SMURF1: variants seen among roughly 807,000 people sequenced by gnomAD.
SMURF1 encodes SMAD specific E3 ubiquitin protein ligase 1.
Under a neutral mutation model 98.0 loss-of-function variants are expected in SMURF1, and 44 were observed. The observed-to-expected ratio is 0.45, with a 90% confidence interval of 0.35 to 0.58. The LOEUF is 0.58. SMURF1 is among the 20% of genes least tolerant of loss of function. SMURF1 has a pLI of 0.00. For synonymous variants in SMURF1, 396 were observed against 374.9 expected (o/e 1.06, Z -0.65); for missense variants, 687 against 938.4 (o/e 0.73, Z 3.50).
chr7:99,104,087 A>G (rs1452457633), intron 1 of SMURF1, among the ~76,000 whole-genome samples: 1 of 152,062 alleles, frequency 6.6e-6, no homozygotes, highest in Non-Finnish European at 1.5e-5. Context: ...GGGTTTCACA[A>G]TGTTGGCCAG....
At position 99,040,547 on chromosome 7, in the gene SMURF1, A is replaced by T; in HGVS notation, c.1381T>A (p.Ser461Thr). The T allele has an allele frequency of 6.7e-7, 1 of 1,483,598 alleles. No homozygotes were observed. Among genetic ancestry groups the T allele is most frequent in the Non-Finnish European group, 9.0e-7 (1 of 1,115,142 alleles). The allele number at this position is 1,483,598 out of a possible 1,614,324, so 91.9% of individuals were successfully genotyped here. Reference sequence around the variant, plus strand: ...ATCCGCCCCACAAAGTGGAAATAAGACAAGTGGTCCTGTAGGGGGCACCAG... The same window carrying T: ...ATCCGCCCCACAAAGTGGAAATAAGTCAAGTGGTCCTGTAGGGGGCACCAG... Reference protein sequence around the residue: ...PDSSINPDHLSYFHFVGRIMG... With the variant: ...PDSSINPDHLTYFHFVGRIMG... The change falls in exon 13 of 18, where the codon TCT becomes ACT. Residue 461 changes from serine to threonine, a missense_variant. Ser to Thr is a moderately conservative substitution (Grantham distance 58). Coordinates refer to ENST00000361368, the MANE Select transcript of SMURF1 (RefSeq NM_181349.3).
intron 1 of SMURF1, among the ~76,000 whole-genome samples, chr7:99,121,685 C>A (rs1325061390): frequency 6.6e-6 from 1 of 152,186 alleles, no homozygotes; most frequent in African/African-American, 2.4e-5. Flanking sequence ...GTTAGCTTGT[C>A]CTTTCCCAAG....
intron 1 of SMURF1, among the ~76,000 whole-genome samples, chr7:99,101,745 G>T (rs1018797757): frequency 6.6e-6 from 1 of 152,150 alleles, no homozygotes; most frequent in East Asian, 1.9e-4. Context: ...TTGGAAACCA[G>T]CCTGGCCACT....
intron 9 of SMURF1, 140 bp from the exon 10 acceptor site, chr7:99,048,022 A>G (rs1795638436): frequency 1.3e-6 from 1 of 753,170 alleles, no homozygotes; most frequent in Non-Finnish European, 2.2e-6. Flanking sequence ...TGACGTAACC[A>G]GGTACCTAGC....
chr7:99,065,641 C>T lies in SMURF1; in HGVS notation c.56-3804G>A, dbSNP rs888880560. On this transcript the variant is annotated intron_variant, in intron 1 of 17. Coordinates refer to ENST00000361368, the MANE Select transcript of SMURF1 (RefSeq NM_181349.3). ...TTTTCCAAAGCTTGGAATATCTCAA[C>T]AGCTCTCATATAAAATTCCAAGTGT... Among the ~76,000 whole-genome samples the T allele has an allele frequency of 4.6e-5, 7 of 152,170 alleles. No individual in the cohort carries two copies. The East Asian group carries it at 1.2e-3, about 25-fold the overall frequency.
chr7:99,055,811 A>C (rs942399336), intron 5 of SMURF1, among the ~76,000 whole-genome samples: 2 of 152,040 alleles, frequency 1.3e-5, no homozygotes, highest in African/African-American at 4.8e-5. Context: ...CTACAAATAC[A>C]AAAAATTACC....
chr7:99,132,241 G>A (rs1280773874), intron 1 of SMURF1, among the ~76,000 whole-genome samples: 4 of 152,134 alleles, frequency 2.6e-5, no homozygotes, highest in South Asian at 2.1e-4. Flanking sequence ...GGCTATGAAC[G>A]CAATGCTGCC....
chr7:99,063,802 G>C (rs1451786983), intron 1 of SMURF1, among the ~76,000 whole-genome samples: 1 of 150,146 alleles, frequency 6.7e-6, no homozygotes, highest in East Asian at 2.0e-4. Flanking sequence ...TCAGAGACAG[G>C]GTCTTGCTCT....
Position 99,049,614 on chromosome 7 carries a change from T to C in SMURF1, c.902A>G (p.His301Arg). Residue 301 changes from histidine to arginine, a missense_variant, in exon 9 of 18, where the codon CAT (histidine) becomes CGT (arginine). By Grantham distance (29) the His-to-Arg change is conservative. This residue lies in a region of SMURF1 where 415 missense variants were observed against 508.4 expected (regional missense o/e 0.82). Coordinates refer to ENST00000361368, the MANE Select transcript of SMURF1 (RefSeq NM_181349.3). The stretch of plus-strand genomic sequence containing the variant: ...TGTAAACTGGGTTGTTCGGTTATTA[T>C]GATCTACAAAATATATCCTCCCAGA... ...TVSGRIYFVD[H>R]NNRTTQFTDP... is the part of the protein sequence containing the mutation. The C allele has an allele frequency of 2.5e-6, 4 of 1,614,236 alleles. No individual in the cohort carries two copies. The highest frequency in any genetic ancestry group is 3.4e-6 in the Non-Finnish European group (4 of 1,180,028).
intron 1 of SMURF1, among the ~76,000 whole-genome samples, chr7:99,067,164 A>G (rs1006965682): frequency 6.6e-6 from 1 of 151,444 alleles, no homozygotes; most frequent in Non-Finnish European, 1.5e-5. Flanking sequence ...TGCCCGGCTA[A>G]TTTTTTTATT....
At chr7:99,137,983 G>C (rs966400928) in intron 1 of SMURF1, among the ~76,000 whole-genome samples, 6 of 152,074 alleles carry the variant, frequency 3.9e-5, no homozygotes, top group Admixed American at 2.6e-4. Flanking sequence ...TAACTAGAAA[G>C]GCCTTAGGGA....
rs752711197 is a variant in SMURF1, at chr7:99,030,655, C to T, written c.2125G>A (p.Glu709Lys). Residue 709 changes from glutamate to lysine, a missense_variant, in exon 18 of 18, where the codon GAG (glutamate) becomes AAG (lysine). Physicochemically the swap from Glu to Lys is moderately conservative, Grantham distance 56 (BLOSUM62 1). Transcript: ENST00000361368. ...TTCTCGTAGAGCTTCTCATAGGACT[C>T]ATATGGTGGAATGTCGATCCGGTTA... ...CFNRIDIPPY[E>K]SYEKLYEKLL... 2.5e-6 allele frequency: 4 copies of T among 1,613,962 alleles called. No homozygotes were observed. The highest frequency in any genetic ancestry group is 3.4e-6 in the Non-Finnish European group (4 of 1,180,000).
At chr7:99,045,626 G>A in intron 11 of SMURF1, 72 bp downstream of exon 11, 4 of 1,309,276 alleles carry the variant, frequency 3.1e-6, no homozygotes, top group Non-Finnish European at 4.4e-6. Flanking sequence ...GAGCACTGGA[G>A]AAGGGCAAAT....
At chr7:99,129,131 T>C (rs1386334845) in intron 1 of SMURF1, among the ~76,000 whole-genome samples, 3 of 152,234 alleles carry the variant, frequency 2.0e-5, no homozygotes, top group Non-Finnish European at 2.9e-5. Flanking sequence ...CCATATATCA[T>C]TGATTTCAAG....
chr7:99,050,712 A>G (rs1795725986), intron 8 of SMURF1: 1 of 464,766 alleles, frequency 2.2e-6, no homozygotes, highest in African/African-American at 1.9e-5. Flanking sequence ...CAGTCTCATT[A>G]TAGGTACTGA....
intron 9 of SMURF1, chr7:99,049,289 A>T (rs1018132539): frequency 1.2e-4 from 45 of 390,896 alleles, no homozygotes; most frequent in African/African-American, 8.7e-4. Flanking sequence ...GCGTGCGGAA[A>T]CTTCCTTCGT....
Position 99,093,424 on chromosome 7 carries a change from T to G in SMURF1, c.56-31587A>C, listed in dbSNP as rs115663501. ...AAAGGAGGTGAGAAAATGGAAAGGA[T>G]TAACGCCACATTGAGTTTTATCCTG... On this transcript the variant is annotated intron_variant, in intron 1 of 17. Transcript: ENST00000361368. Among the ~76,000 whole-genome samples, 433 of 152,292 alleles carry G rather than the reference T, an allele frequency of 2.8e-3. 1 individual carries two copies. The highest frequency in any genetic ancestry group is 9.8e-3 in the African/African-American group (409 of 41,556).
intron 1 of SMURF1, among the ~76,000 whole-genome samples, chr7:99,117,965 A>C (rs940759419): frequency 6.6e-6 from 1 of 152,118 alleles, no homozygotes. Flanking sequence ...TATACAAATA[A>C]TGGATAAATA....
rs375681273 is a variant in SMURF1 at position 99,035,549 on chromosome 7, C to A, written c.1977G>T (p.Thr659=). ...CCTTGAAGCCTTGGAGCGGGACTCG[C>A]GTGGACCCAGTCACAAACTGCAGGA... ...ARLLQFVTGS[T]RVPLQGFKAL... Residue 659 remains threonine (T), a synonymous_variant, in exon 16 of 18, where the codon ACG becomes ACT. Transcript: ENST00000361368. 3.7e-6 allele frequency: 6 copies of A among 1,614,236 alleles called. No homozygotes were observed. Among genetic ancestry groups the A allele is most frequent in the African/African-American group, 1.3e-5 (1 of 75,062 alleles).
Sources: gnomAD v4.1 joint callset for allele counts (sites outside exome capture counted in the v4.1 genomes callset) on GRCh38, gnomAD v4.1.1 for gene constraint, gnomAD v4.1.1 regional missense constraint, MANE v1.5 for transcripts, NCBI Gene and HGNC (gene_info 2026-07-23, HGNC 2026-07-21) for gene names.